LMF1: variants seen among roughly 807,000 people sequenced by gnomAD.
LMF1 encodes the protein transmembrane protein 112.
A neutral mutation model predicts 60.6 loss-of-function variants in LMF1; 68 were observed. The ratio of observed to expected loss-of-function variants is 1.12; its 90% CI spans 0.92 to 1.37. The LOEUF is 1.37. LMF1 is among the 40% of genes most tolerant of loss of function. The pLI is 0.00. For missense variants in LMF1, 948 were observed against 767.2 expected, an observed-to-expected ratio of 1.24 and a Z score of -2.78; for synonymous variants, 418 against 324.7, an observed-to-expected ratio of 1.29 and a Z score of -3.09.
intron 4 of LMF1, among the ~76,000 whole-genome samples, chr16:895,686 T>G (rs2070643213): frequency 6.6e-6 from 1 of 152,082 alleles, no homozygotes; most frequent in East Asian, 1.9e-4. Flanking sequence ...GTGGCTCAAG[T>G]GACCGATGCC....
Position 949,261 on chromosome 16 carries a change from ACAGAG to A in LMF1, c.503+5091_503+5095del, listed in dbSNP as rs1450866025. ...GAGCCAACAACAGAGTCAGCCAACG[ACAGAG>A]TCAGAGACAACGACAGAGTCAGCCA... On this transcript the variant is annotated intron_variant, in intron 2 of 10. Coordinates refer to ENST00000262301, the MANE Select transcript of LMF1 (RefSeq NM_022773.4). 9.3e-5 allele frequency among the ~76,000 whole-genome samples: 14 copies of A among 151,120 alleles called. 2 individuals are homozygous for A. Among genetic ancestry groups the A allele is most frequent in the African/African-American group, 2.9e-4 (12 of 40,982 alleles).
In LMF1 at chr16:954,008, CGTCCACACAGACA is replaced by C. The variant is rs2072590163; in HGVS notation, c.503+336_503+348del. On this transcript the variant is annotated intron_variant, in intron 2 of 10. Transcript: ENST00000262301. ...AGACACCCCAAACCAGCCTCCTACA[CGTCCACACAGACA>C]CCCACCCCAAACCAGCCTCCTACAC... 3.3e-5 allele frequency among the ~76,000 whole-genome samples: 3 copies of C among 90,330 alleles called. 1 individual carries two copies. The highest frequency in any genetic ancestry group is 3.7e-4 in the East Asian group (1 of 2,728). 59.3% of individuals were successfully genotyped at this position (90,330 alleles called of 152,430 possible).
chr16:855,822 G>T (rs544380003), intron 10 of LMF1: 1 of 455,712 alleles, frequency 2.2e-6, no homozygotes. Context: ...ATTATTTGGG[G>T]CTTCTGGTGA....
chr16:860,493 C>G (rs2069429115), intron 10 of LMF1, among the ~76,000 whole-genome samples: 1 of 152,076 alleles, frequency 6.6e-6, no homozygotes, highest in Non-Finnish European at 1.5e-5. Flanking sequence ...GCATGTGCCA[C>G]CAGGCCCTGC....
Position 888,234 on chromosome 16 carries a change from C to G in LMF1, c.729+4773G>C, listed in dbSNP as rs141908973. Among the ~76,000 whole-genome samples, 714 of 152,312 alleles carry G rather than the reference C, an allele frequency of 4.7e-3. 6 individuals carry two copies. The highest frequency in any genetic ancestry group is 0.016 in the African/African-American group (675 of 41,580). On this transcript the variant is annotated intron_variant, in intron 5 of 10. Transcript: ENST00000262301. ...CCGTGGGTCCCTGCCCGCCCAGGCC[C>G]TGGCAGGGGCTGCCCTGTGCCGCGT...
In LMF1 at chr16:858,786, A is replaced by T. The variant is rs866377950; in HGVS notation, c.1530-4080T>A. Among the ~76,000 whole-genome samples the T allele has an allele frequency of 2.2e-4, 13 of 58,760 alleles. No homozygotes were observed. The East Asian group carries it at 2.2e-3, about 10-fold the overall frequency. The allele number at this position is 58,760 out of a possible 152,430, so 38.5% of individuals were successfully genotyped here. A position where few individuals can be genotyped will look rare whatever the true frequency, so the allele number is the denominator to read the frequency against. On this transcript the variant is annotated intron_variant, in intron 10 of 10. Coordinates refer to ENST00000262301, the MANE Select transcript of LMF1 (RefSeq NM_022773.4). ...CACGGGACGGGTGTGCAGTGGTGTC[A>T]CGGGACGGGTGTGAGTGGTGTCTCG...
At chr16:875,921 C>T (rs1039842821) in intron 6 of LMF1, among the ~76,000 whole-genome samples, 10 of 152,306 alleles carry the variant, frequency 6.6e-5, no homozygotes, top group Admixed American at 3.3e-4. Context: ...TGGCTGAAGA[C>T]GGCTCAGGAG....
chr16:923,012 G>C (rs1203001570), intron 3 of LMF1, among the ~76,000 whole-genome samples: 1 of 125,058 alleles, frequency 8.0e-6, no homozygotes, highest in African/African-American at 3.3e-5. Context: ...TGTTGGTGTC[G>C]TGTTGTTGCG....
intron 4 of LMF1, among the ~76,000 whole-genome samples, chr16:894,159 C>T (rs1299722263): frequency 1.0e-5 from 1 of 95,554 alleles, no homozygotes; most frequent in African/African-American, 3.8e-5. Context: ...ACCGGACCGT[C>T]CGCCCACCCG....
intron 2 of LMF1, among the ~76,000 whole-genome samples, chr16:937,072 G>A (rs2071968433): frequency 6.6e-6 from 1 of 152,182 alleles, no homozygotes; most frequent in African/African-American, 2.4e-5. Flanking sequence ...GAGAAGGGGT[G>A]AGTCCAGACG....
At position 854,706 on chromosome 16, in the gene LMF1, C is replaced by A. The variant is rs200676184; in HGVS notation, c.1530G>T (p.Arg510Ser). The A allele has an allele frequency of 6.3e-7, 1 of 1,585,434 alleles. No individual in the cohort carries two copies. The highest frequency in any genetic ancestry group is 8.5e-7 in the Non-Finnish European group (1 of 1,171,628). ...ACCTGTAGTGCTCTCCTCGGACCCA[C>A]CTGCAAGGGGGCACATGTCAGCCCA... ...HNPFAGRPPP[R>S]WVRGEHYRYK... Residue 510 changes from arginine to serine, a missense_variant and splice_region_variant, in exon 11 of 11, where the codon AGG (arginine) becomes AGT (serine). By Grantham distance (110) the Arg-to-Ser change is moderately radical. Coordinates refer to ENST00000262301, the MANE Select transcript of LMF1 (RefSeq NM_022773.4).
At chr16:867,028 C>G (rs979059113) in intron 10 of LMF1, among the ~76,000 whole-genome samples, 1 of 152,172 alleles carries the variant, frequency 6.6e-6, no homozygotes, top group South Asian at 2.1e-4. Flanking sequence ...GTGTCTGTTC[C>G]ATCTTCCAGT....
At chr16:955,486 T>C (rs1408596583) in intron 1 of LMF1, among the ~76,000 whole-genome samples, 9 of 128,426 alleles carry the variant, frequency 7.0e-5, no homozygotes, top group East Asian at 2.3e-4. Flanking sequence ...CACACACACA[T>C]CTAAGTAAAC....
chr16:918,916 G>A (rs1173875598), intron 3 of LMF1, among the ~76,000 whole-genome samples: 1 of 152,174 alleles, frequency 6.6e-6, no homozygotes, highest in Non-Finnish European at 1.5e-5. Context: ...TGGGGTGGGC[G>A]CCTGCTCAGA....
rs1297321368 is a variant in LMF1 at position 954,485 on chromosome 16, G to A, written c.375C>T (p.Asn125=). The change falls in exon 2 of 11, where the codon AAC becomes AAT. Residue 125 remains asparagine (N), a synonymous_variant. Transcript: ENST00000262301. ...GTCCGAGAAGAGCCAGCAAGTCCAG[G>A]TTGGAGTTCATGTCTGACCAGTCCA... The part of the protein sequence containing the change: ...WLMDWSDMNS[N]LDLLALLGLG... The A allele has an allele frequency of 6.2e-7, 1 of 1,612,916 alleles. No homozygotes were observed. Among genetic ancestry groups the A allele is most frequent in the Non-Finnish European group, 8.5e-7 (1 of 1,179,602 alleles).
chr16:872,322 CAGGGACATCGACGTCTAATGA>C (rs1555445265), intron 6 of LMF1: 1 of 152,164 alleles, frequency 6.6e-6, no homozygotes, highest in Non-Finnish European at 1.5e-5. Context: ...AGGTTGAGGG[CAGGGACATCGACGTCTAATGA>C]AGGGACTCGT....
chr16:976,944 C>T (rs1322539322), intron 1 of LMF1: 2 of 453,766 alleles, frequency 4.4e-6, no homozygotes, highest in Admixed American at 4.7e-5. Flanking sequence ...CAGGGGAGTG[C>T]GAGGTGAAGA....
In LMF1 at chr16:962,854, G is replaced by A. The variant is rs557443878; in HGVS notation, c.193+7934C>T. 3.9e-5 allele frequency among the ~76,000 whole-genome samples: 6 copies of A among 152,210 alleles called. No homozygotes were observed. Among genetic ancestry groups the A allele is most frequent in the African/African-American group, 1.4e-4 (6 of 41,540 alleles). The stretch of plus-strand genomic sequence containing the variant: ...AAATTTTAAAAAGTAAAGGTTTCTC[G>A]AAGACTCTGCACCACTCAGTGCCCG... On this transcript the variant is annotated intron_variant, in intron 1 of 10. Coordinates refer to ENST00000262301, the MANE Select transcript of LMF1 (RefSeq NM_022773.4). The surrounding 1 kb of genome is among the most constrained non-coding windows in gnomAD (Gnocchi z 4.5).
chr16:882,430 G>T (rs1482853140), intron 5 of LMF1, among the ~76,000 whole-genome samples: 2 of 152,342 alleles, frequency 1.3e-5, no homozygotes, highest in East Asian at 3.9e-4. Flanking sequence ...CCTCTACTCT[G>T]AGGCCACCAA....
Sources: gnomAD v4.1 joint callset for allele counts (sites outside exome capture counted in the v4.1 genomes callset) on GRCh38, gnomAD v4.1.1 for gene constraint, Gnocchi (gnomAD v3.1) non-coding constraint, MANE v1.5 for transcripts, NCBI Gene and HGNC (gene_info 2026-07-23, HGNC 2026-07-21) for gene names.